The following GRM4 variants were observed in gnomAD, a reference collection of about 807,000 sequenced individuals.
GRM4 encodes glutamate metabotropic receptor 4.
Under a neutral mutation model 81.7 loss-of-function variants are expected in GRM4, and 28 were observed. That is an observed-to-expected ratio of 0.34 (90% CI 0.25 to 0.47). The LOEUF is 0.47. GRM4 is among the 20% of genes least tolerant of loss of function. GRM4 has a pLI of 1.00. For synonymous variants in GRM4, 488 were observed against 528.8 expected (o/e 0.92, Z 1.06); for missense variants, 948 against 1,290.0 (o/e 0.73, Z 4.06).
chr6:34,040,604 A>G lies in GRM4; in HGVS notation c.1313T>C (p.Met438Thr). Residue 438 changes from methionine (M) to threonine (T), a missense_variant, in exon 7 of 11, where the codon ATG becomes ACG. By Grantham distance (81) the Met-to-Thr change is moderately conservative (BLOSUM62 -1). Transcript: ENST00000538487. Reference sequence around the variant, plus strand: ...CAGCTGGGTGCCATCTACAGGGTCCATGCGCGGGCAGAGCCCCACGCGGCC... The same window carrying G: ...CAGCTGGGTGCCATCTACAGGGTCCGTGCGCGGGCAGAGCCCCACGCGGCC... ...CPGRVGLCPR[M>T]DPVDGTQLLK... The G allele has an allele frequency of 2.5e-6, 4 of 1,614,116 alleles. No individual in the cohort carries two copies. Among genetic ancestry groups the G allele is most frequent in the Non-Finnish European group, 3.4e-6 (4 of 1,179,978 alleles).
intron 2 of GRM4, among the ~76,000 whole-genome samples, chr6:34,093,901 C>G (rs1768377061): frequency 6.6e-6 from 1 of 152,210 alleles, no homozygotes; most frequent in Non-Finnish European, 1.5e-5. Context: ...GGTTAACTCC[C>G]AAACCCCCTC....
chr6:34,031,030 C>T (rs1238535694), intron 9 of GRM4, among the ~76,000 whole-genome samples: 1 of 152,212 alleles, frequency 6.6e-6, no homozygotes, highest in African/African-American at 2.4e-5. Flanking sequence ...GACATTGTTT[C>T]TGGAGCCCCC....
At chr6:34,044,677 C>G (rs1383445043) in intron 6 of GRM4, among the ~76,000 whole-genome samples, 1 of 149,514 alleles carries the variant, frequency 6.7e-6, no homozygotes. Context: ...CACAGACACA[C>G]ACACACAGAC....
intron 2 of GRM4, chr6:34,106,098 C>G (rs533660570): frequency 6.6e-6 from 1 of 152,230 alleles, no homozygotes; most frequent in African/African-American, 2.4e-5. Context: ...CTGAGTGACA[C>G]CACAGGGGTC....
Position 34,089,809 on chromosome 6 carries a change from C to T in GRM4, c.736+2074G>A, listed in dbSNP as rs1768107309. The stretch of plus-strand genomic sequence containing the variant: ...CCAAAACACAATGCCCAGACCCCAC[C>T]CCCATCCCATGCCTCTCCTGTCCCT... On this transcript the variant is annotated intron_variant, in intron 3 of 10. Coordinates refer to ENST00000538487, the MANE Select transcript of GRM4 (RefSeq NM_000841.4). The surrounding 1 kb of genome is among the most constrained non-coding windows in gnomAD (Gnocchi z 4.3). Among the ~76,000 whole-genome samples, 1 of 152,054 alleles carries T rather than the reference C, an allele frequency of 6.6e-6. No individual in the cohort carries two copies. Among genetic ancestry groups the T allele is most frequent in the African/African-American group, 2.4e-5 (1 of 41,380 alleles).
At chr6:34,101,447 T>C (rs1013642643) in intron 2 of GRM4, among the ~76,000 whole-genome samples, 1 of 152,126 alleles carries the variant, frequency 6.6e-6, no homozygotes, top group Non-Finnish European at 1.5e-5. Flanking sequence ...ACCTGTCTCC[T>C]GCGTACACGG....
At chr6:34,101,659 A>G (rs1035796096) in intron 2 of GRM4, among the ~76,000 whole-genome samples, 4 of 152,168 alleles carry the variant, frequency 2.6e-5, no homozygotes, top group Non-Finnish European at 4.4e-5. Context: ...CTGTCAAACT[A>G]AGGGCTGAAG....
chr6:34,133,263 C>A lies in GRM4; in HGVS notation c.234G>T (p.Arg78=). 1.2e-6 allele frequency: 2 copies of A among 1,614,212 alleles called. No individual in the cohort carries two copies. Among genetic ancestry groups the A allele is most frequent in the South Asian group, 2.2e-5 (2 of 91,090 alleles). ...CCAGGGCGAACAGCATGGCCTCCAG[C>A]CGGTGGATGCCCTTTTCCTTCTTAA... ...GELKKEKGIH[R]LEAMLFALDR... The change falls in exon 2 of 11, where the codon CGG becomes CGT. Residue 78 remains arginine, a synonymous_variant. Transcript: ENST00000538487. This position sits in a 1 kb window ranked among gnomAD's most constrained non-coding sequence, Gnocchi z 6.5.
At chr6:34,098,462 T>C (rs1768655953) in intron 2 of GRM4, among the ~76,000 whole-genome samples, 1 of 152,204 alleles carries the variant, frequency 6.6e-6, no homozygotes, top group African/African-American at 2.4e-5. Flanking sequence ...CACCACAGAT[T>C]GAGGCTGGGA....
rs1189512470 is a variant in GRM4 at position 34,048,785 on chromosome 6, C to G, written c.1168+7759G>C. Among the ~76,000 whole-genome samples the G allele has an allele frequency of 6.6e-6, 1 of 152,180 alleles. No individual in the cohort carries two copies. The highest frequency in any genetic ancestry group is 2.1e-4 in the South Asian group (1 of 4,820). On this transcript the variant is annotated intron_variant, in intron 6 of 10. Coordinates refer to ENST00000538487, the MANE Select transcript of GRM4 (RefSeq NM_000841.4). The surrounding 1 kb of genome is among the most constrained non-coding windows in gnomAD (Gnocchi z 4.0). ...TAAAAGTGTGGCACTTCCCCTCTCG[C>G]CTTCTCTCTCCTGTTCCACCATGGT... is the stretch of plus-strand genomic sequence containing the variant.
chr6:34,142,891 C>T (rs1250000803), intron 1 of GRM4, among the ~76,000 whole-genome samples: 1 of 152,240 alleles, frequency 6.6e-6, no homozygotes, highest in Non-Finnish European at 1.5e-5. Flanking sequence ...TCCTGACATG[C>T]TCCCGCCTCC....
In GRM4 at chr6:34,152,646, C is replaced by T. The variant is rs1314160735; in HGVS notation, c.312+2433G>A. ...CAGTGCTGGGGAAGAAAAGCCCACA[C>T]GCCAGCTCCTACCCTCGTGGGCTGC... On this transcript the variant is annotated intron_variant, in intron 1 of 8. Transcript: ENST00000374177. The surrounding 1 kb of genome is among the most constrained non-coding windows in gnomAD (Gnocchi z 4.1). Among the ~76,000 whole-genome samples the T allele has an allele frequency of 2.6e-5, 4 of 152,224 alleles. No individual in the cohort carries two copies. Among genetic ancestry groups the T allele is most frequent in the South Asian group, 2.1e-4 (1 of 4,826 alleles).
At chr6:34,031,185 C>A (rs1418076049) in intron 9 of GRM4, among the ~76,000 whole-genome samples, 1 of 152,196 alleles carries the variant, frequency 6.6e-6, no homozygotes, top group Non-Finnish European at 1.5e-5. Flanking sequence ...GAGCGAGAGG[C>A]GGCCTTCGGG....
chr6:34,024,218 C>G (rs1764025673), intron 10 of GRM4: 1 of 161,540 alleles, frequency 6.2e-6, no homozygotes, highest in African/African-American at 2.4e-5. Flanking sequence ...TGAGGCCTTA[C>G]CTGACTGTGT....
rs1284245211 is a variant in GRM4, at chr6:34,040,210, T to C, written c.1474A>G (p.Ile492Val). The C allele has an allele frequency of 1.2e-6, 2 of 1,614,152 alleles. No individual in the cohort carries two copies. The highest frequency in any genetic ancestry group is 1.7e-6 in the Non-Finnish European group (2 of 1,179,932). Residue 492 changes from isoleucine (I) to valine (V), a missense_variant, in exon 8 of 11, where the codon ATT (isoleucine) becomes GTT (valine). Physicochemically the swap from Ile to Val is conservative, Grantham distance 29. Coordinates refer to ENST00000538487, the MANE Select transcript of GRM4 (RefSeq NM_000841.4). ...LRNDSAEYKV[I>V]GSWTDHLHLR... ...TGCAGGTGGTCAGTCCAGGAGCCAATGACCTTGTACTCGGCAGAATCGTTG... is the reference window on the plus strand; with the variant it reads ...TGCAGGTGGTCAGTCCAGGAGCCAACGACCTTGTACTCGGCAGAATCGTTG...
rs1565363 is a variant in GRM4 at position 34,080,720 on chromosome 6, C to G, written c.736+11163G>C. 0.015 allele frequency among the ~76,000 whole-genome samples: 2,250 copies of G among 152,156 alleles called. 36 individuals are homozygous for G. Among genetic ancestry groups the G allele is most frequent in the Middle Eastern group, 0.034 (10 of 294 alleles). On this transcript the variant is annotated intron_variant, in intron 3 of 10. Transcript: ENST00000538487. This position sits in a 1 kb window ranked among gnomAD's most constrained non-coding sequence, Gnocchi z 5.4. Reference sequence around the variant, plus strand: ...GAGCAGTGGCTGCCAGGGGATTCAGCCCTCCCAGACCACTTTCAGAAAGGG... The same window carrying G: ...GAGCAGTGGCTGCCAGGGGATTCAGGCCTCCCAGACCACTTTCAGAAAGGG...
chr6:34,028,938 G>A (rs1040973732), intron 9 of GRM4, among the ~76,000 whole-genome samples: 9 of 152,210 alleles, frequency 5.9e-5, no homozygotes, highest in South Asian at 2.1e-4. Flanking sequence ...CACCCATCGC[G>A]ATATGGTGGT....
chr6:34,062,902 A>T (rs1766258230), intron 3 of GRM4: 1 of 152,148 alleles, frequency 6.6e-6, no homozygotes, highest in Admixed American at 6.5e-5. Context: ...TGCTTGTGTC[A>T]GCCACTGCCT....
At chr6:34,151,008 C>T (rs111889590), upstream of GRM4, among the ~76,000 whole-genome samples, 2,137 of 152,260 alleles carry the variant, frequency 0.014, 63 homozygotes, top group African/African-American at 0.047. Context: ...TGACTGTGCC[C>T]CTCCCACGCC....
Sources: gnomAD v4.1 joint callset for allele counts (sites outside exome capture counted in the v4.1 genomes callset) on GRCh38, gnomAD v4.1.1 for gene constraint, Gnocchi (gnomAD v3.1) non-coding constraint, MANE v1.5 for transcripts, NCBI Gene and HGNC (gene_info 2026-07-23, HGNC 2026-07-21) for gene names.